ZNF608: variants seen among roughly 807,000 people sequenced by gnomAD.
ZNF608 encodes the protein zinc finger protein 608.
Under a neutral mutation model 109.0 loss-of-function variants are expected in ZNF608, and 12 were observed. That is an observed-to-expected ratio of 0.11 (90% CI 0.07 to 0.18). The LOEUF (loss-of-function observed/expected upper bound fraction) is 0.18. ZNF608 is among the 10% of genes least tolerant of loss of function. The pLI is 1.00. For missense variants in ZNF608, 1,707 were observed against 1,879.3 expected (o/e 0.91, Z 1.70); for synonymous variants, 732 against 717.4 (o/e 1.02, Z -0.33).
rs146558686 is a variant in ZNF608, at chr5:124,649,050, G to T, written c.1334C>A (p.Pro445Gln). ...GKRARSAAAA[P>Q]GSEASFTESR... ...CTCTGTGAAGCTGGCCTCGGAGCCC[G>T]GGGCAGCAGCAGCAGACCTCGCTCT... Residue 445 changes from proline to glutamine, a missense_variant, in exon 5 of 10, where the codon CCG (proline) becomes CAG (glutamine). By Grantham distance (76) the Pro-to-Gln change is moderately conservative. Transcript: ENST00000513986. The T allele has an allele frequency of 6.2e-7, 1 of 1,614,008 alleles. No homozygotes were observed. The highest frequency in any genetic ancestry group is 2.2e-5 in the East Asian group (1 of 44,870).
chr5:124,656,615 A>C (rs1751020105), intron 3 of ZNF608, among the ~76,000 whole-genome samples: 2 of 152,200 alleles, frequency 1.3e-5, no homozygotes, highest in South Asian at 2.1e-4. Context: ...AACCTTAAGC[A>C]ATAACAAAAG....
At chr5:124,644,895 T>C (rs111533184) in intron 5 of ZNF608, among the ~76,000 whole-genome samples, 1 of 152,158 alleles carries the variant, frequency 6.6e-6, no homozygotes, top group African/African-American at 2.4e-5. Context: ...AAAACCAAAG[T>C]GTTTAAAGTT....
Position 124,686,312 on chromosome 5 carries a change from G to C in ZNF608, c.1162+14702C>G, listed in dbSNP as rs530487422. ...ACCCTATCAGGCAGGAGTCTACGAAGAGACAAGTTCAACATGGTGCTACTG... is the reference window on the plus strand; with the variant it reads ...ACCCTATCAGGCAGGAGTCTACGAACAGACAAGTTCAACATGGTGCTACTG... On this transcript the variant is annotated intron_variant, in intron 3 of 9. Transcript: ENST00000513986. Among the ~76,000 whole-genome samples the C allele has an allele frequency of 2.1e-4, 32 of 152,326 alleles. 1 individual carries two copies. The South Asian group carries it at 5.0e-3, about 24-fold the overall frequency.
chr5:124,653,356 T>C lies in ZNF608; in HGVS notation c.1163-3659A>G, dbSNP rs115402944. Among the ~76,000 whole-genome samples, 204 of 152,338 alleles carry C rather than the reference T, an allele frequency of 1.3e-3. 2 individuals are homozygous for C. Among genetic ancestry groups the C allele is most frequent in the African/African-American group, 4.8e-3 (199 of 41,572 alleles). ...GGATTTCAGTCAGTGTTCTGTTATG[T>C]CCTTTGTAAAGGGTTTCCAGGAAGA... is the stretch of plus-strand genomic sequence containing the variant. On this transcript the variant is annotated intron_variant, in intron 3 of 9. Coordinates refer to ENST00000513986, the MANE Select transcript of ZNF608 (RefSeq NM_020747.3).
intron 8 of ZNF608, 34 bp downstream of exon 8, chr5:124,641,218 T>C: frequency 1.9e-6 from 3 of 1,612,346 alleles, no homozygotes; most frequent in Non-Finnish European, 2.5e-6. Flanking sequence ...CAAAGCAGAA[T>C]GGACAAAGAC....
intron 3 of ZNF608, among the ~76,000 whole-genome samples, chr5:124,674,152 C>T (rs777389697): frequency 9.2e-5 from 14 of 152,124 alleles, no homozygotes; most frequent in Non-Finnish European, 1.8e-4. Context: ...GTGTGGTATC[C>T]AGGAATCTGC....
chr5:124,706,013 T>C (rs1580664896), intron 2 of ZNF608, among the ~76,000 whole-genome samples: 4 of 152,200 alleles, frequency 2.6e-5, no homozygotes, highest in Admixed American at 2.6e-4. Flanking sequence ...GGACTGACTG[T>C]GTAGTGGGCA....
rs538654136 is a variant in ZNF608 at position 124,745,263 on chromosome 5, A to G, written c.-183-91T>C. ...GTATTGGGGAATCAGTAAAGGGGAC[A>G]GGGAAGGATGGAGAGTAAGGTGGCT... On this transcript the variant is annotated intron_variant, in intron 1 of 9. Transcript: ENST00000513986. The G allele has an allele frequency of 5.1e-6, 6 of 1,176,798 alleles. 1 individual carries two copies. The South Asian group carries it at 1.3e-4, about 26-fold the overall frequency. The allele number at this position is 1,176,798 out of a possible 1,614,324, so 72.9% of individuals were successfully genotyped here.
chr5:124,732,337 A>T (rs1187251990), intron 2 of ZNF608, among the ~76,000 whole-genome samples: 5 of 152,168 alleles, frequency 3.3e-5, no homozygotes, highest in Non-Finnish European at 7.4e-5. Flanking sequence ...AGATTAAGAT[A>T]AAGGGTTTCA....
At chr5:124,681,163 G>C (rs948605527) in intron 3 of ZNF608, among the ~76,000 whole-genome samples, 1 of 152,098 alleles carries the variant, frequency 6.6e-6, no homozygotes, top group South Asian at 2.1e-4. Flanking sequence ...ATTAAAAAAA[G>C]AATCCCAGGC....
chr5:124,727,420 C>A (rs1159948062), intron 2 of ZNF608, among the ~76,000 whole-genome samples: 2 of 152,104 alleles, frequency 1.3e-5, no homozygotes, highest in African/African-American at 4.8e-5. Context: ...ATGCATACTA[C>A]TTCTATTATT....
chr5:124,659,822 C>T (rs1465868777), intron 3 of ZNF608, among the ~76,000 whole-genome samples: 3 of 152,226 alleles, frequency 2.0e-5, no homozygotes, highest in Non-Finnish European at 4.4e-5. Context: ...GACAATTATG[C>T]TCCACATCAA....
At chr5:124,704,459 G>A (rs4295385) in intron 2 of ZNF608, among the ~76,000 whole-genome samples, 10,569 of 152,108 alleles carry the variant, frequency 0.069, 571 homozygotes, top group African/African-American at 0.15. Flanking sequence ...AAGTCTCCCC[G>A]TGTGGTCTAC....
intron 3 of ZNF608, among the ~76,000 whole-genome samples, chr5:124,650,426 A>G (rs528381944): frequency 6.6e-6 from 1 of 152,220 alleles, no homozygotes; most frequent in Non-Finnish European, 1.5e-5. Flanking sequence ...CTTTGGAGTC[A>G]ACTTTGGTAC....
rs138706157 is a variant in ZNF608 at position 124,639,198 on chromosome 5, G to C, written c.4467C>G (p.Ala1489=). The C allele has an allele frequency of 2.5e-6, 4 of 1,614,056 alleles. No homozygotes were observed. Among genetic ancestry groups the C allele is most frequent in the Non-Finnish European group, 2.5e-6 (3 of 1,180,016 alleles). Reference sequence around the variant, plus strand: ...CAGCCACCTGCTGAGAGGCAACAAGGGCAGCAGAGGTCAAGCCTAATGGGG... The same window carrying C: ...CAGCCACCTGCTGAGAGGCAACAAGCGCAGCAGAGGTCAAGCCTAATGGGG... ...YDPFQGLTSA[A]LVASQQVAAQ... is the part of the protein sequence containing the mutation. The change falls in exon 9 of 10, where the codon GCC becomes GCG. Residue 1489 remains alanine (A), a synonymous_variant. Transcript: ENST00000513986.
intron 3 of ZNF608, among the ~76,000 whole-genome samples, chr5:124,685,543 T>C (rs1752375627): frequency 6.6e-6 from 1 of 151,822 alleles, no homozygotes; most frequent in Non-Finnish European, 1.5e-5. Context: ...AGTATCTGCA[T>C]CTCCCTTGGG....
intron 2 of ZNF608, among the ~76,000 whole-genome samples, chr5:124,728,829 A>ATGCGGACTTT (rs1291549594): frequency 2.0e-5 from 3 of 152,146 alleles, no homozygotes; most frequent in Non-Finnish European, 4.4e-5. Context: ...CACTTAAACA[A>ATGCGGACTTT]TGCGGACTTT....
Position 124,647,512 on chromosome 5 carries a change from T to C in ZNF608, c.2872A>G (p.Met958Val), listed in dbSNP as rs148614715. ...DGGSDSRSEG[M>V]RSKASSPSDI... ...GATGGGGAACTGGCCTTTGATCTCA[T>C]ACCCTCCGACCTGCTGTCAGAACCA... The change falls in exon 5 of 10, where the codon ATG becomes GTG. Residue 958 changes from methionine (M) to valine (V), a missense_variant. Around this residue, in one of 7 missense-constraint regions of ZNF608, gnomAD observed 1,073 missense variants for 1,133.5 expected, o/e 0.95. Transcript: ENST00000513986. 36 of 1,614,098 alleles carry C rather than the reference T, an allele frequency of 2.2e-5. No individual in the cohort carries two copies. The African/African-American group carries it at 4.3e-4, about 19-fold the overall frequency.
At chr5:124,716,065 C>A (rs1753683339) in intron 2 of ZNF608, among the ~76,000 whole-genome samples, 4 of 150,344 alleles carry the variant, frequency 2.7e-5, no homozygotes, top group Admixed American at 6.7e-5. Context: ...ATGGCCTGAA[C>A]CCGGGAGGCG....
Sources: allele counts gnomAD v4.1 joint callset (sites outside exome capture counted in the v4.1 genomes callset), GRCh38; gene constraint gnomAD v4.1.1; regional missense constraint gnomAD v4.1.1; transcripts MANE v1.5; gene names NCBI Gene and HGNC (gene_info 2026-07-23, HGNC 2026-07-21).